Variants in COX5A observed in about 807,000 individuals in gnomAD.
COX5A encodes cytochrome c oxidase subunit 5A.
COX5A carries 6 observed loss-of-function variants against 16.1 expected under a neutral mutation model. The observed-to-expected ratio is 0.37, with a 90% CI of 0.20 to 0.73. The LOEUF is 0.73. Ranked by LOEUF, COX5A falls within the 30% of genes least tolerant of loss-of-function variation. COX5A has a pLI of 0.50. For missense variants in COX5A, 159 were observed against 194.9 expected (o/e 0.82, Z 1.10); for synonymous variants, 73 against 73.8 (o/e 0.99, Z 0.06).
intron 4 of COX5A, among the ~76,000 whole-genome samples, chr15:74,923,019 G>C (rs1405701941): frequency 6.6e-6 from 1 of 152,130 alleles, no homozygotes; most frequent in Admixed American, 6.6e-5. Flanking sequence ...TGAAAATCTG[G>C]ATATGTGTAC....
At chr15:74,924,722 ATTAAG>A (rs1362034636) in intron 3 of COX5A, among the ~76,000 whole-genome samples, 6 of 152,322 alleles carry the variant, frequency 3.9e-5, no homozygotes, top group African/African-American at 1.4e-4. Flanking sequence ...AACACGAATA[ATTAAG>A]TTAACGGGAA....
At chr15:74,930,128 A>C (rs1418149137) in intron 1 of COX5A, among the ~76,000 whole-genome samples, 1 of 150,180 alleles carries the variant, frequency 6.7e-6, no homozygotes. Context: ...AAACTAAAAA[A>C]CTAAGACTAG....
chr15:74,930,978 C>G (rs555944699), intron 1 of COX5A, among the ~76,000 whole-genome samples: 19 of 123,450 alleles, frequency 1.5e-4, no homozygotes, highest in African/African-American at 5.2e-4. Context: ...GATCACGCCA[C>G]TGCACTCCAG....
At chr15:74,936,622 C>CTTTTTTT (rs1021836626) in intron 1 of COX5A, among the ~76,000 whole-genome samples, 21 of 112,426 alleles carry the variant, frequency 1.9e-4, no homozygotes, top group East Asian at 1.2e-3. Flanking sequence ...AAAACATATT[C>CTTTTTTT]TTTTTTTTTT....
chr15:74,938,021 G>A lies in COX5A; in HGVS notation c.-7C>T. The A allele has an allele frequency of 3.3e-6, 4 of 1,230,388 alleles. No individual in the cohort carries two copies. Among genetic ancestry groups the A allele is most frequent in the Non-Finnish European group, 4.1e-6 (4 of 986,972 alleles). 76.2% of individuals were successfully genotyped at this position (1,230,388 alleles called of 1,614,324 possible). A position where few individuals can be genotyped will look rare whatever the true frequency, so the allele number is the denominator to read the frequency against. On this transcript the variant is annotated 5_prime_UTR_variant, in exon 1 of 5. Coordinates refer to ENST00000322347, the MANE Select transcript of COX5A (RefSeq NM_004255.4). ...GGAGAGCGGCGCCCAGCATGACGGC[G>A]ATGGCGGCGCGCGGGCTGAGGACAG... is the stretch of plus-strand genomic sequence containing the variant.
rs1264046097 is a variant in COX5A at position 74,934,373 on chromosome 15, C to T, written c.100+3542G>A. The stretch of plus-strand genomic sequence containing the variant: ...TGAGATGGAGTCTCACTCTGTCGCC[C>T]AGGCGGGAGTGCAGTGGCGCAATCT... On this transcript the variant is annotated intron_variant, in intron 1 of 4. Coordinates refer to ENST00000322347, the MANE Select transcript of COX5A (RefSeq NM_004255.4). Among the ~76,000 whole-genome samples the T allele has an allele frequency of 7.2e-5, 11 of 151,994 alleles. No individual in the cohort carries two copies. The East Asian group carries it at 2.1e-3, about 29-fold the overall frequency.
At chr15:74,926,322 G>A (rs532237029) in intron 3 of COX5A, among the ~76,000 whole-genome samples, 1 of 151,832 alleles carries the variant, frequency 6.6e-6, no homozygotes, top group East Asian at 1.9e-4. Context: ...TTACAGGCGT[G>A]AGCCACCGCG....
At chr15:74,922,534 C>A (rs903161642) in intron 4 of COX5A, among the ~76,000 whole-genome samples, 1 of 152,012 alleles carries the variant, frequency 6.6e-6, no homozygotes, top group African/African-American at 2.4e-5. Context: ...CTAAAGGAGA[C>A]AGGGTCTCAC....
intron 1 of COX5A, among the ~76,000 whole-genome samples, chr15:74,936,768 A>G (rs1230615928): frequency 6.6e-6 from 1 of 151,358 alleles, no homozygotes; most frequent in Non-Finnish European, 1.5e-5. Context: ...CTGGGATTAC[A>G]GGCGCCCACC....
chr15:74,937,649 C>T, intron 1 of COX5A: 1 of 291,818 alleles, frequency 3.4e-6, no homozygotes, highest in East Asian at 5.3e-5. Flanking sequence ...GGGAGCGCTG[C>T]GTCCCCTCCT....
intron 2 of COX5A, among the ~76,000 whole-genome samples, chr15:74,927,450 C>T (rs982064525): frequency 7.9e-5 from 12 of 152,034 alleles, no homozygotes; most frequent in African/African-American, 2.9e-4. Flanking sequence ...GCTGGGATTA[C>T]AGGCATGAGC....
chr15:74,927,643 A>T (rs987640390), intron 2 of COX5A, among the ~76,000 whole-genome samples: 1 of 151,960 alleles, frequency 6.6e-6, no homozygotes, highest in Non-Finnish European at 1.5e-5. Flanking sequence ...GTGGTGGCAC[A>T]TGCCTGTAAT....
intron 1 of COX5A, among the ~76,000 whole-genome samples, chr15:74,934,517 G>T (rs2065380556): frequency 6.6e-6 from 1 of 152,066 alleles, no homozygotes; most frequent in Non-Finnish European, 1.5e-5. Context: ...ATTTTTAGTA[G>T]AGACGGGGTT....
At chr15:74,928,627 C>T (rs11072513) in intron 2 of COX5A, among the ~76,000 whole-genome samples, 53,610 of 152,146 alleles carry the variant, frequency 0.35, 12,235 homozygotes, top group Non-Finnish European at 0.52. Flanking sequence ...CCTCGTGATC[C>T]GCCCACCCTG....
intron 4 of COX5A, among the ~76,000 whole-genome samples, chr15:74,923,192 A>G (rs1265588897): frequency 2.0e-5 from 3 of 151,866 alleles, no homozygotes; most frequent in Non-Finnish European, 2.9e-5. Context: ...TTGGGAGGCC[A>G]AGGCAGGTGG....
intron 3 of COX5A, among the ~76,000 whole-genome samples, chr15:74,926,151 C>T (rs1420481394): frequency 1.3e-5 from 2 of 151,654 alleles, no homozygotes; most frequent in South Asian, 4.2e-4. Context: ...GCCATTCTCC[C>T]GCCTCAGCCT....
chr15:74,930,269 T>C (rs1214773307), intron 1 of COX5A, among the ~76,000 whole-genome samples: 2 of 151,384 alleles, frequency 1.3e-5, no homozygotes, highest in African/African-American at 4.9e-5. Context: ...AGTATAAAAA[T>C]TAGCTGGGTG....
At chr15:74,935,608 A>AT (rs1051778484) in intron 1 of COX5A, among the ~76,000 whole-genome samples, 9 of 147,180 alleles carry the variant, frequency 6.1e-5, no homozygotes, top group East Asian at 2.0e-4. Context: ...CCAAAAAAAA[A>AT]AAATAAATAA....
chr15:74,929,059 C>T lies in COX5A; in HGVS notation c.217+57G>A. The T allele has an allele frequency of 2.5e-6, 3 of 1,191,296 alleles. No individual in the cohort carries two copies. In the South Asian group the frequency reaches 3.7e-5, roughly 15 times the overall value. 73.8% of individuals were successfully genotyped at this position (1,191,296 alleles called of 1,614,324 possible). On this transcript the variant is annotated intron_variant, in intron 2 of 4. Transcript: ENST00000322347. ...GAAACAGTTGCTCTCAATAAAGGAG[C>T]AGAAGCAGTTCATATTTACACACCA...
Sources: gnomAD v4.1 joint callset for allele counts (sites outside exome capture counted in the v4.1 genomes callset) on GRCh38, gnomAD v4.1.1 for gene constraint, MANE v1.5 for transcripts, NCBI Gene and HGNC (gene_info 2026-07-23, HGNC 2026-07-21) for gene names.